The following RNF214 variants were observed in gnomAD, a reference collection of about 807,000 sequenced individuals.
RNF214 encodes ring finger protein 214.
In RNF214, 25 loss-of-function variants were observed where a neutral mutation model predicts 75.9. That is an observed-to-expected ratio of 0.33 (90% CI 0.24 to 0.46). The LOEUF (loss-of-function observed/expected upper bound fraction) is 0.46, where lower values mean the gene tolerates loss of function less well. RNF214 is among the 20% of genes least tolerant of loss of function. The pLI is 1.00. For synonymous variants in RNF214, 314 were observed against 308.8 expected (o/e 1.02, Z -0.18); for missense variants, 725 against 857.5 (o/e 0.85, Z 1.93).
Position 117,279,900 on chromosome 11 carries a change from T to G in RNF214, c.960-8T>G. 1 of 1,595,102 alleles carries G rather than the reference T, an allele frequency of 6.3e-7. No individual in the cohort carries two copies. The highest frequency in any genetic ancestry group is 8.6e-7 in the Non-Finnish European group (1 of 1,168,482). ...CCTTAGTCTTGTTCTTGGTTTCTTA[T>G]CTTACAGAGAGGTGTGGGAAATGGA... On this transcript the variant is annotated splice_region_variant and splice_polypyrimidine_tract_variant and intron_variant, in intron 6 of 14. Coordinates refer to ENST00000300650, the MANE Select transcript of RNF214 (RefSeq NM_207343.4).
At chr11:117,257,619 A>AT (rs1355813867) in intron 6 of RNF214, among the ~76,000 whole-genome samples, 1 of 152,198 alleles carries the variant, frequency 6.6e-6, no homozygotes, top group African/African-American at 2.4e-5. Context: ...ATGGAAGGGA[A>AT]TTTTTGGTGG....
intron 6 of RNF214, among the ~76,000 whole-genome samples, chr11:117,255,429 A>G (rs1287345558): frequency 2.6e-5 from 4 of 152,078 alleles, no homozygotes; most frequent in African/African-American, 7.2e-5. Flanking sequence ...CATCACATGC[A>G]CTTTACTATG....
chr11:117,245,121 C>A (rs904439051), intron 5 of RNF214, among the ~76,000 whole-genome samples: 1 of 150,928 alleles, frequency 6.6e-6, no homozygotes, highest in Non-Finnish European at 1.5e-5. Flanking sequence ...GAGTTCGAAC[C>A]AGCCTGGGCA....
intron 6 of RNF214, among the ~76,000 whole-genome samples, chr11:117,267,215 T>C (rs1251985966): frequency 1.3e-5 from 2 of 150,612 alleles, no homozygotes; most frequent in Non-Finnish European, 2.9e-5. Flanking sequence ...TTTGTAACAG[T>C]GTCTTTTGAA....
intron 2 of RNF214, among the ~76,000 whole-genome samples, chr11:117,236,402 T>A (rs1002683141): frequency 6.6e-6 from 1 of 152,044 alleles, no homozygotes; most frequent in African/African-American, 2.4e-5. Context: ...GCCTCCTGAG[T>A]AGCTGGGACA....
At chr11:117,276,225 G>T (rs2034013547) in intron 6 of RNF214, among the ~76,000 whole-genome samples, 1 of 152,068 alleles carries the variant, frequency 6.6e-6, no homozygotes, top group African/African-American at 2.4e-5. Context: ...AGGCACAGAA[G>T]GAACATACCT....
rs201883688 is a variant in RNF214, at chr11:117,257,239, G to A, written c.959+10291G>A. Among the ~76,000 whole-genome samples, 8 of 152,140 alleles carry A rather than the reference G, an allele frequency of 5.3e-5. No homozygotes were observed. The East Asian group carries it at 1.5e-3, about 29-fold the overall frequency. On this transcript the variant is annotated intron_variant, in intron 6 of 14. Coordinates refer to ENST00000300650, the MANE Select transcript of RNF214 (RefSeq NM_207343.4). ...GTAGTCCCACTACTTGGGGGGCAGA[G>A]GTGGGAGGATTGCTTGAGCTCAGAA...
rs553977184 is a variant in RNF214 at position 117,285,784 on chromosome 11, C to G, written c.*633C>G. 8 of 152,366 alleles carry G rather than the reference C, an allele frequency of 5.3e-5. No individual in the cohort carries two copies. Among genetic ancestry groups the G allele is most frequent in the African/African-American group, 1.7e-4 (7 of 41,556 alleles). 9.4% of individuals were successfully genotyped at this position (152,366 alleles called of 1,614,324 possible). The stretch of plus-strand genomic sequence containing the variant: ...TACAGAATATTCTGTTTTACATCAC[C>G]AAAATTCACAGTCCGAGAATAACAA... On this transcript the variant is annotated 3_prime_UTR_variant, in exon 15 of 15. Transcript: ENST00000300650.
rs374923660 is a variant in RNF214, at chr11:117,238,634, G to A, written c.141G>A (p.Ser47=). The A allele has an allele frequency of 3.9e-5, 63 of 1,613,624 alleles. 1 individual carries two copies. Among genetic ancestry groups the A allele is most frequent in the South Asian group, 2.7e-4 (25 of 91,080 alleles). The change falls in exon 3 of 15, where the codon TCG becomes TCA. Residue 47 remains serine (S), a synonymous_variant. Coordinates refer to ENST00000300650, the MANE Select transcript of RNF214 (RefSeq NM_207343.4). ...TKDSAQKQKN[S]PLLSVSSQTI... ...ACTCTGCACAGAAGCAGAAGAACTC[G>A]CCTCTGTTGAGTGTAAGTAGCCAAA...
In RNF214 at chr11:117,274,675, CTTTTTTTT is replaced by C. The variant is rs397937528; in HGVS notation, c.960-5224_960-5217del. 2.3e-5 allele frequency among the ~76,000 whole-genome samples: 3 copies of C among 128,776 alleles called. No individual in the cohort carries two copies. The Admixed American group carries it at 2.4e-4, about 10-fold the overall frequency. 84.5% of individuals were successfully genotyped at this position (128,776 alleles called of 152,430 possible). A position where few individuals can be genotyped will look rare whatever the true frequency, so the allele number is the denominator to read the frequency against. Reference sequence around the variant, plus strand: ...TGAGCGACCGTGCCCAGCCATGGCTCTTTTTTTTTTTTTTTTGAGACAGAGTTTTACTC... The same window carrying C: ...TGAGCGACCGTGCCCAGCCATGGCTCTTTTTTTTGAGACAGAGTTTTACTC... On this transcript the variant is annotated intron_variant, in intron 6 of 14. Coordinates refer to ENST00000300650, the MANE Select transcript of RNF214 (RefSeq NM_207343.4).
chr11:117,244,841 A>G (rs1443659596), intron 5 of RNF214, among the ~76,000 whole-genome samples: 3 of 151,084 alleles, frequency 2.0e-5, no homozygotes, highest in African/African-American at 7.3e-5. Flanking sequence ...CATTTTTTGT[A>G]TTTTTGGTAG....
chr11:117,241,067 C>T (rs2033066209), intron 4 of RNF214, among the ~76,000 whole-genome samples: 1 of 151,980 alleles, frequency 6.6e-6, no homozygotes, highest in South Asian at 2.1e-4. Context: ...GTAATCCCAG[C>T]TACTTGGGTG....
intron 6 of RNF214, among the ~76,000 whole-genome samples, chr11:117,255,166 A>C (rs189476135): frequency 6.6e-6 from 1 of 152,228 alleles, no homozygotes; most frequent in Non-Finnish European, 1.5e-5. Flanking sequence ...TTCTCTTCTT[A>C]CCCTTAGCAG....
At chr11:117,258,338 T>C (rs2033575418) in intron 6 of RNF214, among the ~76,000 whole-genome samples, 1 of 152,034 alleles carries the variant, frequency 6.6e-6, no homozygotes, top group African/African-American at 2.4e-5. Flanking sequence ...AGTGCTGGGA[T>C]TTACAGGCGT....
intron 14 of RNF214, among the ~76,000 whole-genome samples, chr11:117,283,769 C>T (rs903723651): frequency 6.6e-6 from 1 of 152,068 alleles, no homozygotes; most frequent in Non-Finnish European, 1.5e-5. Flanking sequence ...CAAGGTGCTT[C>T]AGTCTCTTGA....
rs779008867 is a variant in RNF214, at chr11:117,246,801, G to A, written c.820-8G>A. The A allele has an allele frequency of 6.5e-7, 1 of 1,547,714 alleles. No individual in the cohort carries two copies. The highest frequency in any genetic ancestry group is 1.3e-5 in the South Asian group (1 of 78,594). On this transcript the variant is annotated splice_polypyrimidine_tract_variant and splice_region_variant and intron_variant, in intron 5 of 14. Transcript: ENST00000300650. ...ATTTGTGTGCGACTGTAATTGTGTGGAACTCAGGAGATATTAAAGGCTATT... is the reference window on the plus strand; with the variant it reads ...ATTTGTGTGCGACTGTAATTGTGTGAAACTCAGGAGATATTAAAGGCTATT...
intron 6 of RNF214, among the ~76,000 whole-genome samples, chr11:117,256,890 A>G (rs2033538805): frequency 1.3e-5 from 2 of 152,154 alleles, no homozygotes; most frequent in African/African-American, 2.4e-5. Flanking sequence ...GTATATAGTA[A>G]TATCTTCTAG....
intron 6 of RNF214, among the ~76,000 whole-genome samples, chr11:117,271,533 GTTCT>G (rs2033910299): frequency 6.6e-6 from 1 of 152,186 alleles, no homozygotes; most frequent in South Asian, 2.1e-4. Context: ...CAGTTGTTTA[GTTCT>G]TTAGGGCCAC....
intron 1 of RNF214, 110 bp downstream of exon 1, chr11:117,232,836 T>TG (rs1196105092): frequency 7.9e-6 from 1 of 125,896 alleles, no homozygotes; most frequent in Non-Finnish European, 1.7e-5. Context: ...GGGGGTCGGG[T>TG]GGGGGGCGTG....
Sources: allele counts gnomAD v4.1 joint callset (sites outside exome capture counted in the v4.1 genomes callset), GRCh38; gene constraint gnomAD v4.1.1; transcripts MANE v1.5; gene names NCBI Gene and HGNC (gene_info 2026-07-23, HGNC 2026-07-21).